The following SELP variants were observed in gnomAD, a reference collection of about 807,000 sequenced individuals.
SELP encodes P-selectin.
A neutral mutation model predicts 104.1 loss-of-function variants in SELP; 92 were observed. The ratio of observed to expected loss-of-function variants is 0.88; its 90% CI spans 0.75 to 1.05. SELP has a LOEUF of 1.05. Ranked by LOEUF, SELP falls within the 50% of genes least tolerant of loss-of-function variation. The pLI is 0.00. For synonymous variants in SELP, 397 were observed against 364.5 expected (o/e 1.09, Z -1.01); for missense variants, 1,022 against 1,017.3 (o/e 1.00, Z -0.06).
chr1:169,615,153 C>T (rs145322466), intron 3 of SELP, among the ~76,000 whole-genome samples: 2 of 152,302 alleles, frequency 1.3e-5, no homozygotes, highest in African/African-American at 4.8e-5. Context: ...CGATAGCCTG[C>T]TCTGAGGTCT....
intron 1 of SELP, among the ~76,000 whole-genome samples, chr1:169,619,894 C>G (rs977728675): frequency 2.6e-5 from 4 of 152,116 alleles, no homozygotes; most frequent in Admixed American, 6.6e-5. Context: ...TTCATCAAAT[C>G]TATGAATATT....
Position 169,626,236 on chromosome 1 carries a change from C to T in SELP, c.3+3836G>A, listed in dbSNP as rs959062222. Reference sequence around the variant, plus strand: ...AGCCGGGGGTAGTGACAGATCACATCGGGCTTTGGGATCCAAAACAAGGGG... The same window carrying T: ...AGCCGGGGGTAGTGACAGATCACATTGGGCTTTGGGATCCAAAACAAGGGG... On this transcript the variant is annotated intron_variant, in intron 1 of 16. Transcript: ENST00000263686. Among the ~76,000 whole-genome samples the T allele has an allele frequency of 3.9e-5, 6 of 152,268 alleles. No homozygotes were observed. In the South Asian group the frequency reaches 8.3e-4, roughly 21 times the overall value.
chr1:169,608,891 C>T (rs3917871), intron 8 of SELP, among the ~76,000 whole-genome samples: 1 of 152,134 alleles, frequency 6.6e-6, no homozygotes, highest in African/African-American at 2.4e-5. Flanking sequence ...ACCCGCCCCC[C>T]ATGAGTGCCT....
intron 15 of SELP, among the ~76,000 whole-genome samples, chr1:169,590,449 C>A (rs768034805): frequency 6.6e-6 from 1 of 152,212 alleles, no homozygotes; most frequent in Admixed American, 6.5e-5. Flanking sequence ...ACCTGTTATA[C>A]CCTCTAAGTT....
chr1:169,609,545 T>C lies in SELP; in HGVS notation c.1292A>G (p.Asp431Gly), dbSNP rs369991512. 2.5e-6 allele frequency: 4 copies of C among 1,613,884 alleles called. No homozygotes were observed. Among genetic ancestry groups the C allele is most frequent in the African/African-American group, 1.3e-5 (1 of 74,878 alleles). Residue 431 changes from aspartate (D) to glycine (G), a missense_variant, in exon 8 of 17, where the codon GAT (aspartate) becomes GGT (glycine). Physicochemically the swap from Asp to Gly is moderately conservative, Grantham distance 94. Coordinates refer to ENST00000263686, the MANE Select transcript of SELP (RefSeq NM_003005.4). Reference protein sequence around the residue: ...MLRGADIVRCDNLGQWTAPAP... With the variant: ...MLRGADIVRCGNLGQWTAPAP... ...TGGTGCTGTCCACTGTCCCAAGTTA[T>C]CACACCGAACTATATCGGCTCCTCT...
At chr1:169,591,843 G>C (rs1661371327) in intron 14 of SELP, among the ~76,000 whole-genome samples, 1 of 152,140 alleles carries the variant, frequency 6.6e-6, no homozygotes, top group Admixed American at 6.5e-5. Flanking sequence ...CCAAATAACA[G>C]ACTCTCATAG....
chr1:169,615,515 T>C (rs1340695831), intron 3 of SELP, among the ~76,000 whole-genome samples: 1 of 152,022 alleles, frequency 6.6e-6, no homozygotes, highest in East Asian at 1.9e-4. Context: ...ATTTTGAAGG[T>C]TGGGTGTGAA....
intron 10 of SELP, among the ~76,000 whole-genome samples, chr1:169,600,490 G>C (rs1485130581): frequency 6.6e-6 from 1 of 152,146 alleles, no homozygotes; most frequent in East Asian, 1.9e-4. Context: ...AGATACTGAG[G>C]AACAACTAGG....
intron 10 of SELP, among the ~76,000 whole-genome samples, chr1:169,600,847 A>T: frequency 6.6e-6 from 1 of 152,220 alleles, no homozygotes; most frequent in African/African-American, 2.4e-5. Flanking sequence ...AGGGCTCAAG[A>T]TCAGGATCAG....
intron 10 of SELP, among the ~76,000 whole-genome samples, chr1:169,601,837 A>G (rs1661924671): frequency 6.6e-6 from 1 of 152,122 alleles, no homozygotes; most frequent in Non-Finnish European, 1.5e-5. Context: ...ATTTGTGTGG[A>G]TTGAATGTGA....
intron 2 of SELP, 40 bp from the exon 3 acceptor site, chr1:169,617,454 A>C: frequency 6.3e-7 from 1 of 1,582,678 alleles, no homozygotes; most frequent in Non-Finnish European, 8.6e-7. Flanking sequence ...AGTACCCCTC[A>C]CCAAAAAAGA....
intron 9 of SELP, among the ~76,000 whole-genome samples, chr1:169,606,435 A>T (rs777737003): frequency 3.9e-5 from 6 of 152,192 alleles, no homozygotes; most frequent in Non-Finnish European, 7.3e-5. Flanking sequence ...TCTTTTTTCT[A>T]TCACTCTTCA....
At position 169,603,207 on chromosome 1, in the gene SELP, A is replaced by T. The variant is rs749384506; in HGVS notation, c.1524T>A (p.Ile508=). 3.7e-6 allele frequency: 6 copies of T among 1,610,342 alleles called. No individual in the cohort carries two copies. Among genetic ancestry groups the T allele is most frequent in the Admixed American group, 3.3e-5 (2 of 59,926 alleles). Residue 508 remains isoleucine, a synonymous_variant, in exon 10 of 17, where the codon ATT becomes ATA. Transcript: ENST00000263686. ...WNSVPPECQA[I]PCTPLLSPQN... is the part of the protein sequence containing the mutation. ...GAGGGCTTAGCAAAGGTGTGCAGGG[A>T]ATGGCTATCATGGGCATGGCAGAGG... is the stretch of plus-strand genomic sequence containing the variant.
At chr1:169,622,043 A>G (rs780870893) in intron 1 of SELP, among the ~76,000 whole-genome samples, 3 of 152,242 alleles carry the variant, frequency 2.0e-5, no homozygotes, top group Non-Finnish European at 4.4e-5. Context: ...ATACTTTCTT[A>G]AAAACAATCT....
chr1:169,590,105 A>C, intron 16 of SELP, 42 bp downstream of exon 16: 1 of 1,316,858 alleles, frequency 7.6e-7, no homozygotes, highest in South Asian at 1.2e-5. Context: ...ATTTTTCCCT[A>C]GTGTTCTATT....
intron 3 of SELP, among the ~76,000 whole-genome samples, chr1:169,614,061 G>A (rs558056778): frequency 3.4e-4 from 52 of 152,328 alleles, no homozygotes; most frequent in African/African-American, 9.4e-4. Flanking sequence ...CCAATGTCAC[G>A]TATTACTGCA....
intron 1 of SELP, among the ~76,000 whole-genome samples, chr1:169,628,292 C>G (rs1452570656): frequency 2.0e-5 from 3 of 152,230 alleles, no homozygotes; most frequent in East Asian, 1.9e-4. Context: ...GAAAATACCC[C>G]ACCAGAAAAA....
chr1:169,594,279 C>A (rs563094335), intron 13 of SELP, among the ~76,000 whole-genome samples: 1 of 152,224 alleles, frequency 6.6e-6, no homozygotes, highest in South Asian at 2.1e-4. Flanking sequence ...TGAAATATAC[C>A]TTGCAAACAG....
At chr1:169,621,759 A>G (rs1008011051) in intron 1 of SELP, among the ~76,000 whole-genome samples, 4 of 152,206 alleles carry the variant, frequency 2.6e-5, no homozygotes, top group African/African-American at 9.7e-5. Context: ...AGGACCTATG[A>G]TTAAACACTG....
Sources: gnomAD v4.1 joint callset for allele counts (sites outside exome capture counted in the v4.1 genomes callset) on GRCh38, gnomAD v4.1.1 for gene constraint, MANE v1.5 for transcripts, NCBI Gene and HGNC (gene_info 2026-07-23, HGNC 2026-07-21) for gene names.